The following DPP10 variants were observed in gnomAD, a reference collection of about 807,000 sequenced individuals.
DPP10 encodes the protein dipeptidyl peptidase like 10, also known as inactive dipeptidyl peptidase 10.
Under a neutral mutation model 120.9 loss-of-function variants are expected in DPP10, and 33 were observed. That is an observed-to-expected ratio of 0.27 (90% CI 0.21 to 0.37). The LOEUF is 0.37. Among genes scored for constraint, DPP10 ranks in the 10% least tolerant of loss-of-function variants. DPP10 has a pLI of 1.00. For missense variants in DPP10, 816 were observed against 942.8 expected (o/e 0.87, Z 1.76); for synonymous variants, 337 against 326.1 (o/e 1.03, Z -0.36).
chr2:115,030,863 CA>C (rs575618457), intron 1 of DPP10, among the ~76,000 whole-genome samples: 112 of 152,270 alleles, frequency 7.4e-4, no homozygotes, highest in African/African-American at 2.1e-3. Context: ...GGCAGTTCCT[CA>C]AAGTGAAGAC....
chr2:114,552,514 G>T (rs1687962592), intron 1 of DPP10, among the ~76,000 whole-genome samples: 1 of 151,936 alleles, frequency 6.6e-6, no homozygotes, highest in Admixed American at 6.6e-5. Context: ...CTGAAACTCT[G>T]TGACTTTCCA....
chr2:115,036,465 C>G (rs894065061), intron 1 of DPP10, among the ~76,000 whole-genome samples: 1 of 152,120 alleles, frequency 6.6e-6, no homozygotes, highest in African/African-American at 2.4e-5. Flanking sequence ...ATTATAAGAG[C>G]AAGAATTTTT....
intron 1 of DPP10, among the ~76,000 whole-genome samples, chr2:114,747,485 T>C (rs1367963056): frequency 1.3e-5 from 2 of 152,228 alleles, no homozygotes; most frequent in Non-Finnish European, 2.9e-5. Flanking sequence ...TAGAAGCATT[T>C]GTCATATACA....
intron 3 of DPP10, among the ~76,000 whole-genome samples, chr2:115,493,723 G>C (rs1018705350): frequency 6.6e-6 from 1 of 152,044 alleles, no homozygotes; most frequent in African/African-American, 2.4e-5. Flanking sequence ...TAAACATGGG[G>C]GAAGAACATA....
At position 115,807,372 on chromosome 2, in the gene DPP10, A is replaced by G. The variant is rs752103200; in HGVS notation, c.1701-7421A>G. 2.0e-5 allele frequency among the ~76,000 whole-genome samples: 3 copies of G among 152,192 alleles called. No homozygotes were observed. The East Asian group carries it at 5.8e-4, about 29-fold the overall frequency. On this transcript the variant is annotated intron_variant, in intron 19 of 25. Coordinates refer to ENST00000410059, the MANE Select transcript of DPP10 (RefSeq NM_020868.6). Reference sequence around the variant, plus strand: ...AGGTTAATTTTGTGTGGATAATGCTAACAGTCCATTTCTGAGTTTTAGAGC... The same window carrying G: ...AGGTTAATTTTGTGTGGATAATGCTGACAGTCCATTTCTGAGTTTTAGAGC...
chr2:114,982,988 T>A (rs1356267749), intron 1 of DPP10, among the ~76,000 whole-genome samples: 1 of 152,208 alleles, frequency 6.6e-6, no homozygotes, highest in Non-Finnish European at 1.5e-5. Context: ...ATTATTTCTA[T>A]GCATTAATTA....
intron 1 of DPP10, among the ~76,000 whole-genome samples, chr2:114,686,520 C>T (rs1240196995): frequency 6.6e-6 from 1 of 151,840 alleles, no homozygotes; most frequent in East Asian, 2.0e-4. Context: ...GTTTTTATCT[C>T]TGCTTCTAAG....
intron 3 of DPP10, among the ~76,000 whole-genome samples, chr2:115,427,486 G>A (rs1486315327): frequency 6.6e-6 from 1 of 152,310 alleles, no homozygotes; most frequent in South Asian, 2.1e-4. Context: ...GCTTATGGTG[G>A]CTTATGCTCT....
chr2:115,011,326 C>T (rs1173073640), intron 1 of DPP10, among the ~76,000 whole-genome samples: 1 of 152,122 alleles, frequency 6.6e-6, no homozygotes, highest in Admixed American at 6.6e-5. Context: ...TCTTTTATAT[C>T]CTTACTGATT....
chr2:115,249,665 T>C (rs1368261193), intron 1 of DPP10, among the ~76,000 whole-genome samples: 1 of 152,102 alleles, frequency 6.6e-6, no homozygotes, highest in Non-Finnish European at 1.5e-5. Flanking sequence ...TGAGTTCTAC[T>C]TTTTTTCCCC....
intron 1 of DPP10, among the ~76,000 whole-genome samples, chr2:114,808,989 A>G (rs1349421795): frequency 6.6e-6 from 1 of 151,958 alleles, no homozygotes; most frequent in Non-Finnish European, 1.5e-5. Context: ...AGTGTCTTGA[A>G]ATGTGTAAAA....
intron 5 of DPP10, among the ~76,000 whole-genome samples, chr2:115,573,811 T>G (rs1018342058): frequency 1.3e-5 from 2 of 152,066 alleles, no homozygotes. Flanking sequence ...CGCCTTGACC[T>G]CTCAAAATGC....
chr2:115,756,158 C>T (rs1679380715), intron 11 of DPP10, among the ~76,000 whole-genome samples: 1 of 151,932 alleles, frequency 6.6e-6, no homozygotes, highest in Admixed American at 6.6e-5. Context: ...TAGAGAGTAG[C>T]ATTGTGCTTA....
At chr2:115,182,983 C>T (rs1308828691) in intron 1 of DPP10, among the ~76,000 whole-genome samples, 1 of 151,320 alleles carries the variant, frequency 6.6e-6, no homozygotes, top group Admixed American at 6.6e-5. Context: ...TGCTGGGACT[C>T]CTTTTTGGAA....
At chr2:114,996,424 A>G (rs934698756) in intron 1 of DPP10, among the ~76,000 whole-genome samples, 6 of 152,202 alleles carry the variant, frequency 3.9e-5, no homozygotes, top group Non-Finnish European at 5.9e-5. Flanking sequence ...ATACTAACCC[A>G]GACATTTACT....
chr2:114,444,002 A>G (rs1181051310), intron 1 of DPP10, among the ~76,000 whole-genome samples: 2 of 152,162 alleles, frequency 1.3e-5, no homozygotes, highest in African/African-American at 2.4e-5. Context: ...ATTTATTAGC[A>G]GTGACTTTTA....
At chr2:114,556,302 T>C (rs981497608) in intron 1 of DPP10, among the ~76,000 whole-genome samples, 2 of 140,986 alleles carry the variant, frequency 1.4e-5, no homozygotes, top group Admixed American at 7.4e-5. Context: ...AGTAAATAGA[T>C]AATAGATAGA....
chr2:114,756,183 AT>A (rs552602388), intron 1 of DPP10, among the ~76,000 whole-genome samples: 81 of 152,336 alleles, frequency 5.3e-4, no homozygotes, highest in Non-Finnish European at 9.4e-4. Context: ...TTAGTTTAAC[AT>A]TTTTCTAAAA....
intron 1 of DPP10, among the ~76,000 whole-genome samples, chr2:115,042,603 C>T (rs1227323206): frequency 6.6e-6 from 1 of 152,178 alleles, no homozygotes; most frequent in African/African-American, 2.4e-5. Context: ...GCTATTGATG[C>T]ACGGAGTGTT....
Sources: gnomAD v4.1 joint callset for allele counts (sites outside exome capture counted in the v4.1 genomes callset) on GRCh38, gnomAD v4.1.1 for gene constraint, MANE v1.5 for transcripts, NCBI Gene and HGNC (gene_info 2026-07-23, HGNC 2026-07-21) for gene names.